ARMH4: variants seen among roughly 807,000 people sequenced by gnomAD.
ARMH4 encodes armadillo-like helical domain-containing protein 4.
In ARMH4, 49 loss-of-function variants were observed where a neutral mutation model predicts 61.9. The observed-to-expected ratio is 0.79, with a 90% CI of 0.63 to 1.00. ARMH4 has a LOEUF of 1.00. Among genes scored for constraint, ARMH4 ranks in the 50% least tolerant of loss-of-function variants. The pLI is 0.00. For synonymous variants in ARMH4, 368 were observed against 341.5 expected (o/e 1.08, Z -0.85); for missense variants, 934 against 930.0 (o/e 1.00, Z -0.06).
intron 5 of ARMH4, among the ~76,000 whole-genome samples, chr14:58,043,722 A>G (rs1428735825): frequency 2.6e-5 from 4 of 152,212 alleles, no homozygotes; most frequent in African/African-American, 9.7e-5. Flanking sequence ...TCTCAGCCCA[A>G]AATCTCCTTA....
intron 4 of ARMH4, among the ~76,000 whole-genome samples, chr14:58,112,355 T>C (rs574852330): frequency 6.6e-6 from 1 of 151,872 alleles, no homozygotes; most frequent in South Asian, 2.1e-4. Flanking sequence ...TTATACATTC[T>C]ACTGCCTACT....
intron 5 of ARMH4, among the ~76,000 whole-genome samples, chr14:58,052,725 C>T (rs1884187668): frequency 1.3e-5 from 2 of 152,190 alleles, no homozygotes; most frequent in African/African-American, 4.8e-5. Context: ...GACATCATCA[C>T]CGACTCCCAT....
chr14:58,042,817 C>G (rs1883775133), intron 5 of ARMH4, among the ~76,000 whole-genome samples: 1 of 152,114 alleles, frequency 6.6e-6, no homozygotes, highest in Non-Finnish European at 1.5e-5. Context: ...CAATAAACAC[C>G]TCTACACAAA....
chr14:58,063,768 T>A (rs1884611776), intron 5 of ARMH4, among the ~76,000 whole-genome samples: 1 of 152,184 alleles, frequency 6.6e-6, no homozygotes, highest in Admixed American at 6.5e-5. Flanking sequence ...AATGCCCATG[T>A]CAAGCTGCAC....
intron 5 of ARMH4, among the ~76,000 whole-genome samples, chr14:58,056,869 C>G (rs1227413587): frequency 6.6e-6 from 1 of 152,126 alleles, no homozygotes; most frequent in African/African-American, 2.4e-5. Context: ...TAGATATGGC[C>G]CTGTGACTAT....
At chr14:58,152,033 A>C (rs571454315) in intron 1 of ARMH4, 42 bp downstream of exon 1, 15 of 152,710 alleles carry the variant, frequency 9.8e-5, no homozygotes, top group African/African-American at 3.6e-4. Context: ...CCACGTCTGC[A>C]GCCGCGGCCG....
At position 58,131,707 on chromosome 14, in the gene ARMH4, C is replaced by CT; in HGVS notation, c.1635dup (p.Val546SerfsTer6). On this transcript the variant is annotated frameshift_variant, in exon 4 of 8. Transcript: ENST00000267485. LOFTEE classifies it high-confidence loss of function. ...GTGAACTCCTCATTTGGCCCTGTGA[C>CT]TGTGTCCATTTGTTCTGCCAAACAC... The CT allele has an allele frequency of 6.2e-7, 1 of 1,612,920 alleles. No homozygotes were observed.
At chr14:58,041,614 T>A (rs891978486) in intron 5 of ARMH4, among the ~76,000 whole-genome samples, 2 of 152,100 alleles carry the variant, frequency 1.3e-5, no homozygotes, top group African/African-American at 4.8e-5. Flanking sequence ...TAAATGTAAA[T>A]GGGCTAAATG....
At chr14:58,042,159 C>T (rs1180932549) in intron 5 of ARMH4, among the ~76,000 whole-genome samples, 3 of 152,160 alleles carry the variant, frequency 2.0e-5, no homozygotes, top group Non-Finnish European at 2.9e-5. Flanking sequence ...CTCAGCACCA[C>T]ATCACATTTA....
In ARMH4 at chr14:58,052,330, C is replaced by T. The variant is rs551209017; in HGVS notation, c.2090-40180G>A. On this transcript the variant is annotated intron_variant, in intron 5 of 7. Transcript: ENST00000267485. ...TGGGTGCCAGCTCTGTGCCAAGTAT[C>T]TTACACACATCTCACACAGTTCTCA... Among the ~76,000 whole-genome samples, 12 of 152,284 alleles carry T rather than the reference C, an allele frequency of 7.9e-5. No individual in the cohort carries two copies. In the East Asian group the frequency reaches 1.5e-3, roughly 20 times the overall value.
At position 58,003,037 on chromosome 14, in the gene ARMH4, AATAACTG is replaced by A. The variant is rs36203267; in HGVS notation, c.*1692_*1698del. ...TACTCAAATGTATGACTGTAAAGGA[AATAACTG>A]ATAACTGAGATGGGGAAGGAAAGAA... On this transcript the variant is annotated 3_prime_UTR_variant, in exon 8 of 8. Coordinates refer to ENST00000267485, the MANE Select transcript of ARMH4 (RefSeq NM_001001872.4). The A allele has an allele frequency of 0.33, 50,634 of 151,696 alleles. 8,620 individuals are homozygous for A. Among genetic ancestry groups the A allele is most frequent in the East Asian group, 0.56 (2,851 of 5,112 alleles). 9.4% of individuals were successfully genotyped at this position (151,696 alleles called of 1,614,324 possible).
At chr14:58,113,007 A>G (rs1269892542) in intron 4 of ARMH4, among the ~76,000 whole-genome samples, 3 of 152,210 alleles carry the variant, frequency 2.0e-5, no homozygotes, top group Non-Finnish European at 4.4e-5. Context: ...TAGAACAAAC[A>G]AAAAGTTGAC....
chr14:58,012,223 A>T, intron 5 of ARMH4, 73 bp from the exon 6 acceptor site: 3 of 915,276 alleles, frequency 3.3e-6, no homozygotes, highest in Non-Finnish European at 4.9e-6. Context: ...AGTTAATTTG[A>T]CAAATTAAAG....
Position 58,138,258 on chromosome 14 carries a change from C to G in ARMH4, c.1101G>C (p.Leu367=), listed in dbSNP as rs1887379985. ...QPWTEAAQVA[L]GLPEGETHTG... ...TGTGTGTTTCCCCTTCAGGCAGCCCCAGAGCCACCTGTGCAGCCTCTGTCC... is the reference window on the plus strand; with the variant it reads ...TGTGTGTTTCCCCTTCAGGCAGCCCGAGAGCCACCTGTGCAGCCTCTGTCC... Residue 367 remains leucine (L), a synonymous_variant, in exon 2 of 8, where the codon CTG becomes CTC. Transcript: ENST00000267485. 2 of 1,614,248 alleles carry G rather than the reference C, an allele frequency of 1.2e-6. No homozygotes were observed.
intron 5 of ARMH4, among the ~76,000 whole-genome samples, chr14:58,018,464 T>A: frequency 9.8e-6 from 1 of 101,976 alleles, no homozygotes; most frequent in East Asian, 3.5e-4. Flanking sequence ...GAATAGACAT[T>A]TCTCAAAAAA....
chr14:58,118,261 A>T (rs1886597030), intron 4 of ARMH4, among the ~76,000 whole-genome samples: 2 of 152,180 alleles, frequency 1.3e-5, no homozygotes, highest in Non-Finnish European at 2.9e-5. Flanking sequence ...TGTGGTGAGA[A>T]CAGTGCTATA....
intron 4 of ARMH4, among the ~76,000 whole-genome samples, chr14:58,108,456 C>T (rs1221399593): frequency 6.6e-6 from 1 of 152,244 alleles, no homozygotes; most frequent in Non-Finnish European, 1.5e-5. Flanking sequence ...TTCTTCTTAA[C>T]ATCCTTCTTC....
intron 5 of ARMH4, among the ~76,000 whole-genome samples, chr14:58,018,756 C>A (rs1044628782): frequency 3.3e-5 from 5 of 152,164 alleles, no homozygotes; most frequent in African/African-American, 7.2e-5. Context: ...TGTGACCCTG[C>A]AATCCCACTA....
At chr14:58,149,689 G>C (rs928734976) in intron 1 of ARMH4, among the ~76,000 whole-genome samples, 1 of 152,142 alleles carries the variant, frequency 6.6e-6, no homozygotes, top group African/African-American at 2.4e-5. Context: ...TTAAAAACAG[G>C]CTTCTTCGAG....
Sources: allele counts gnomAD v4.1 joint callset (sites outside exome capture counted in the v4.1 genomes callset), GRCh38; gene constraint gnomAD v4.1.1; transcripts MANE v1.5; gene names NCBI Gene and HGNC (gene_info 2026-07-23, HGNC 2026-07-21).